Variants in FARP1 observed in about 807,000 individuals in gnomAD.
FARP1 encodes the protein FERM, ARHGEF and pleckstrin domain-containing protein 1.
In FARP1, 52 loss-of-function variants were observed where a neutral mutation model predicts 128.8. The observed-to-expected ratio is 0.40, with a 90% CI of 0.32 to 0.51. FARP1 has a LOEUF of 0.51. Among genes scored for constraint, FARP1 ranks in the 20% least tolerant of loss-of-function variants. The pLI, the probability that FARP1 is intolerant of heterozygous loss-of-function variation, is 0.45. For missense variants in FARP1, 1,333 were observed against 1,367.9 expected (o/e 0.97, Z 0.40); for synonymous variants, 580 against 551.8 (o/e 1.05, Z -0.72).
chr13:98,448,069 A>G (rs1892967254), intron 26 of FARP1, 167 bp from the exon 27 acceptor site: 2 of 649,010 alleles, frequency 3.1e-6, no homozygotes, highest in African/African-American at 3.6e-5. Flanking sequence ...TCTCCACTGT[A>G]CCTCAGGAAC....
intron 1 of FARP1, among the ~76,000 whole-genome samples, chr13:98,183,089 C>G (rs796539446): frequency 1.3e-5 from 2 of 152,220 alleles, no homozygotes; most frequent in African/African-American, 4.8e-5. Context: ...TTTTGGGAAC[C>G]ATAGTTGTTA....
chr13:98,393,961 G>T (rs1044337664), intron 12 of FARP1, among the ~76,000 whole-genome samples: 40 of 152,288 alleles, frequency 2.6e-4, no homozygotes, highest in African/African-American at 9.6e-4. Flanking sequence ...CCCATGCGGT[G>T]CTCTAAGCCA....
chr13:98,439,012 G>A, intron 20 of FARP1, 95 bp from the exon 21 acceptor site: 1 of 1,387,840 alleles, frequency 7.2e-7, no homozygotes, highest in Middle Eastern at 1.8e-4. Flanking sequence ...CCAAGTTGTT[G>A]AGGACAGTGA....
intron 2 of FARP1, among the ~76,000 whole-genome samples, chr13:98,305,041 G>T (rs1429697228): frequency 6.6e-6 from 1 of 152,074 alleles, no homozygotes. Context: ...AGAGAGAGGA[G>T]TGAAGGTTCA....
Position 98,439,180 on chromosome 13 carries a change from C to T in FARP1, c.2417C>T (p.Pro806Leu), listed in dbSNP as rs368768744. 97 of 1,613,216 alleles carry T rather than the reference C, an allele frequency of 6.0e-5. 1 individual carries two copies. Among genetic ancestry groups the T allele is most frequent in the African/African-American group, 5.3e-4 (40 of 75,054 alleles). The part of the protein sequence containing the change: ...SNQFKVHGQL[P>L]LYGMTIEESE... Reference sequence around the variant, plus strand: ...CAGTTTAAAGTCCACGGGCAGCTCCCGCTCTATGGCATGACGGTGAGTACA... The same window carrying T: ...CAGTTTAAAGTCCACGGGCAGCTCCTGCTCTATGGCATGACGGTGAGTACA... The change falls in exon 21 of 27, where the codon CCG becomes CTG. Residue 806 changes from proline (P) to leucine (L), a missense_variant. Pro to Leu is a moderately conservative substitution (Grantham distance 98, BLOSUM62 -3). This residue lies in a region of FARP1 where 1,009 missense variants were observed against 969.8 expected (regional missense o/e 1.04). Transcript: ENST00000319562.
intron 2 of FARP1, among the ~76,000 whole-genome samples, chr13:98,256,993 C>T (rs1162954751): frequency 6.6e-5 from 4 of 60,428 alleles, no homozygotes; most frequent in Admixed American, 2.1e-4. Flanking sequence ...ATATATATAC[C>T]GAAAGATTTC....
At chr13:98,224,285 T>C (rs1381347419) in intron 2 of FARP1, among the ~76,000 whole-genome samples, 1 of 152,002 alleles carries the variant, frequency 6.6e-6, no homozygotes, top group Non-Finnish European at 1.5e-5. Flanking sequence ...CCCAGCACTT[T>C]GGGAGGCCGA....
chr13:98,431,330 C>T (rs199700848), intron 18 of FARP1, 50 bp downstream of exon 18: 21 of 1,343,538 alleles, frequency 1.6e-5, no homozygotes, highest in East Asian at 2.5e-5. Flanking sequence ...CAGTTCAGGC[C>T]GGGTGCTCCC....
At chr13:98,149,806 T>C (rs1175003405) in intron 1 of FARP1, among the ~76,000 whole-genome samples, 6 of 140,550 alleles carry the variant, frequency 4.3e-5, no homozygotes, top group East Asian at 2.3e-4. Context: ...GGCGCAATCT[T>C]GGCTCACTGC....
At chr13:98,237,536 A>G (rs1882497178) in intron 2 of FARP1, among the ~76,000 whole-genome samples, 1 of 152,212 alleles carries the variant, frequency 6.6e-6, no homozygotes, top group Non-Finnish European at 1.5e-5. Flanking sequence ...AATGTGGATC[A>G]TCTCCGTCAT....
At chr13:98,415,754 C>T (rs541229039) in intron 16 of FARP1, among the ~76,000 whole-genome samples, 3 of 152,392 alleles carry the variant, frequency 2.0e-5, no homozygotes, top group South Asian at 2.1e-4. Flanking sequence ...TGACAGACTG[C>T]GCATGTGTGT....
intron 2 of FARP1, among the ~76,000 whole-genome samples, chr13:98,241,559 C>T (rs1882774413): frequency 6.6e-6 from 1 of 152,164 alleles, no homozygotes; most frequent in Admixed American, 6.5e-5. Flanking sequence ...GCAGCAGGAT[C>T]TCTTGAGGCC....
At chr13:98,432,030 G>A (rs1892052524) in intron 18 of FARP1, 1 of 152,228 alleles carries the variant, frequency 6.6e-6, no homozygotes, top group African/African-American at 2.4e-5. Context: ...TCAGCATAAT[G>A]AGCATCTCTC....
At position 98,450,553 on chromosome 13, in the gene FARP1, A is replaced by C. The variant is rs75762925; in HGVS notation, c.*2236A>C. ...CTCATTGGCAGCAGCCAGCCAGGACACAGCTCAAAAACGCAGGAGCTACCA... is the reference window on the plus strand; with the variant it reads ...CTCATTGGCAGCAGCCAGCCAGGACCCAGCTCAAAAACGCAGGAGCTACCA... On this transcript the variant is annotated 3_prime_UTR_variant, in exon 27 of 27. Coordinates refer to ENST00000319562, the MANE Select transcript of FARP1 (RefSeq NM_005766.4). The C allele has an allele frequency of 3.9e-5, 6 of 152,380 alleles. No homozygotes were observed. Among genetic ancestry groups the C allele is most frequent in the Non-Finnish European group, 8.8e-5 (6 of 68,174 alleles). 9.4% of individuals were successfully genotyped at this position (152,380 alleles called of 1,614,324 possible). A position where few individuals can be genotyped will look rare whatever the true frequency, so the allele number is the denominator to read the frequency against.
At chr13:98,361,667 A>G (rs1341273282) in intron 3 of FARP1, among the ~76,000 whole-genome samples, 1 of 152,196 alleles carries the variant, frequency 6.6e-6, no homozygotes, top group Non-Finnish European at 1.5e-5. Context: ...TACAAGGGAA[A>G]CAGAAGGCAT....
At chr13:98,438,961 G>T in intron 20 of FARP1, 89 bp downstream of exon 20, 2 of 1,475,518 alleles carry the variant, frequency 1.4e-6, no homozygotes, top group Non-Finnish European at 1.9e-6. Flanking sequence ...ACCCAAGTGA[G>T]GGACCTGGGG....
intron 1 of FARP1, among the ~76,000 whole-genome samples, chr13:98,186,554 T>G (rs1211161699): frequency 6.6e-6 from 1 of 152,246 alleles, no homozygotes; most frequent in Non-Finnish European, 1.5e-5. Context: ...CTAATTTCAC[T>G]TAGCATAATC....
At chr13:98,152,332 G>C (rs988872767) in intron 1 of FARP1, among the ~76,000 whole-genome samples, 3 of 152,234 alleles carry the variant, frequency 2.0e-5, no homozygotes, top group Admixed American at 6.5e-5. Flanking sequence ...TAGCAGCACA[G>C]GCTTCTCATT....
chr13:98,299,060 G>A (rs1428988999), intron 2 of FARP1, among the ~76,000 whole-genome samples: 2 of 152,046 alleles, frequency 1.3e-5, no homozygotes, highest in Admixed American at 6.6e-5. Flanking sequence ...GCAGTGAGTG[G>A]CCCCCTTGGG....
Sources: gnomAD v4.1 joint callset for allele counts (sites outside exome capture counted in the v4.1 genomes callset) on GRCh38, gnomAD v4.1.1 for gene constraint, gnomAD v4.1.1 regional missense constraint, MANE v1.5 for transcripts, NCBI Gene and HGNC (gene_info 2026-07-23, HGNC 2026-07-21) for gene names.